LRMDA: variants seen among roughly 807,000 people sequenced by gnomAD.
LRMDA encodes leucine-rich melanocyte differentiation-associated protein.
In LRMDA, 18 loss-of-function variants were observed where a neutral mutation model predicts 29.8. That is an observed-to-expected ratio of 0.60 (90% CI 0.42 to 0.90). The LOEUF (loss-of-function observed/expected upper bound fraction) is 0.90. Among genes scored for constraint, LRMDA ranks in the 40% least tolerant of loss-of-function variants. LRMDA has a pLI of 0.00. For missense variants in LRMDA, 273 were observed against 273.9 expected (o/e 1.00, Z 0.02); for synonymous variants, 125 against 109.4 (o/e 1.14, Z -0.89).
intron 2 of LRMDA, among the ~76,000 whole-genome samples, chr10:75,875,536 C>T (rs948655712): frequency 3.3e-5 from 5 of 152,140 alleles, no homozygotes; most frequent in African/African-American, 7.2e-5. Context: ...CGGGTTCAAG[C>T]GATTCTCCTG....
chr10:75,806,182 G>A (rs1843848787), intron 2 of LRMDA, among the ~76,000 whole-genome samples: 1 of 152,112 alleles, frequency 6.6e-6, no homozygotes, highest in South Asian at 2.1e-4. Context: ...AAGCTGTGAG[G>A]GATCCACGCC....
intron 2 of LRMDA, among the ~76,000 whole-genome samples, chr10:75,929,172 C>T (rs1846168718): frequency 2.6e-5 from 4 of 152,072 alleles, no homozygotes. Context: ...AGATACAGCA[C>T]AAGGTAGGGT....
chr10:75,536,637 C>T lies in LRMDA; in HGVS notation c.131+98143C>T, dbSNP rs191914957. ...GGAGTGCAGTGGTGTGATCATAGCT[C>T]GCTGTATACTTGAACTTCTGGGTTC... On this transcript the variant is annotated intron_variant, in intron 2 of 6. Transcript: ENST00000611255. Among the ~76,000 whole-genome samples, 608 of 152,238 alleles carry T rather than the reference C, an allele frequency of 4.0e-3. 1 individual carries two copies. Among genetic ancestry groups the T allele is most frequent in the Middle Eastern group, 0.01 (3 of 294 alleles).
rs578033968 is a variant in LRMDA at position 75,969,525 on chromosome 10, C to A, written c.132-66483C>A. 8.1e-4 allele frequency among the ~76,000 whole-genome samples: 124 copies of A among 152,238 alleles called. 2 individuals are homozygous for A. Among genetic ancestry groups the A allele is most frequent in the Admixed American group, 4.6e-4 (7 of 15,284 alleles). On this transcript the variant is annotated intron_variant, in intron 2 of 6. Transcript: ENST00000611255. The stretch of plus-strand genomic sequence containing the variant: ...CATACTGAGGTTCAGCACAGTGGAG[C>A]TGAGCTGGTAAAGCTTCTGGCTTAC...
chr10:76,455,300 G>A (rs1393669635), intron 6 of LRMDA, among the ~76,000 whole-genome samples: 1 of 152,168 alleles, frequency 6.6e-6, no homozygotes, highest in African/African-American at 2.4e-5. Context: ...AAGATATATT[G>A]ATGGTATTGA....
intron 2 of LRMDA, among the ~76,000 whole-genome samples, chr10:75,492,986 G>T (rs756356086): frequency 6.6e-6 from 1 of 152,184 alleles, no homozygotes; most frequent in Non-Finnish European, 1.5e-5. Flanking sequence ...GCTTTCCGCT[G>T]CTGTAAAAGG....
chr10:76,339,398 A>T (rs1298231373), intron 6 of LRMDA, among the ~76,000 whole-genome samples: 1 of 152,036 alleles, frequency 6.6e-6, no homozygotes, highest in African/African-American at 2.4e-5. Context: ...GGAAGTGATA[A>T]CACTGTAGTA....
intron 2 of LRMDA, among the ~76,000 whole-genome samples, chr10:75,894,630 G>A (rs1233362295): frequency 6.6e-6 from 1 of 152,124 alleles, no homozygotes; most frequent in Non-Finnish European, 1.5e-5. Flanking sequence ...AAGGATAGTT[G>A]GTGTGTGGGT....
intron 5 of LRMDA, among the ~76,000 whole-genome samples, chr10:76,254,363 G>C (rs28656025): frequency 0.18 from 17,316 of 96,220 alleles, 1,384 homozygotes; most frequent in African/African-American, 0.3. Flanking sequence ...CCTATCCTAT[G>C]CTATGCTATG....
At chr10:75,933,802 G>A (rs1846242899) in intron 2 of LRMDA, among the ~76,000 whole-genome samples, 1 of 152,170 alleles carries the variant, frequency 6.6e-6, no homozygotes, top group South Asian at 2.1e-4. Context: ...GGTGCCTGTA[G>A]CTGTCTCCTG....
intron 5 of LRMDA, 26 bp from the exon 6 acceptor site, chr10:76,324,375 A>C: frequency 6.2e-7 from 1 of 1,608,924 alleles, no homozygotes; most frequent in South Asian, 1.1e-5. Flanking sequence ...GTGTTGCTTC[A>C]TGTTGACTTT....
chr10:75,834,954 C>T (rs994510051), intron 2 of LRMDA, among the ~76,000 whole-genome samples: 5 of 152,218 alleles, frequency 3.3e-5, no homozygotes, highest in Admixed American at 6.5e-5. Flanking sequence ...TATCATGCTC[C>T]TCAAAATTCT....
chr10:75,779,951 C>T (rs928657848), intron 2 of LRMDA, among the ~76,000 whole-genome samples: 2 of 152,072 alleles, frequency 1.3e-5, no homozygotes, highest in Non-Finnish European at 2.9e-5. Context: ...AGAGTGGACC[C>T]TAGATCCAAA....
chr10:75,613,476 TCCTC>T (rs1240620183), intron 2 of LRMDA, among the ~76,000 whole-genome samples: 5 of 152,162 alleles, frequency 3.3e-5, no homozygotes, highest in Non-Finnish European at 5.9e-5. Flanking sequence ...TAAATCTCTG[TCCTC>T]CTTATCTGCA....
At chr10:76,135,965 G>A (rs573655630) in intron 5 of LRMDA, among the ~76,000 whole-genome samples, 4 of 152,136 alleles carry the variant, frequency 2.6e-5, no homozygotes, top group Non-Finnish European at 4.4e-5. Context: ...ACTTTAATTC[G>A]AGAGATTCTA....
chr10:75,499,744 T>C (rs757680041), intron 2 of LRMDA, among the ~76,000 whole-genome samples: 2 of 152,002 alleles, frequency 1.3e-5, no homozygotes, highest in Non-Finnish European at 2.9e-5. Flanking sequence ...CACAATAGCA[T>C]TGGGGTGGTC....
intron 2 of LRMDA, among the ~76,000 whole-genome samples, chr10:75,784,790 G>A (rs942125993): frequency 1.3e-5 from 2 of 152,074 alleles, no homozygotes; most frequent in African/African-American, 2.4e-5. Flanking sequence ...TTTAGATATA[G>A]AAATGCATGA....
At chr10:76,480,999 A>G (rs1186573905) in intron 6 of LRMDA, among the ~76,000 whole-genome samples, 1 of 151,866 alleles carries the variant, frequency 6.6e-6, no homozygotes, top group Non-Finnish European at 1.5e-5. Context: ...GGGATATTCT[A>G]ATTTATATTT....
chr10:75,808,909 G>C (rs1843907282), intron 2 of LRMDA, among the ~76,000 whole-genome samples: 1 of 152,172 alleles, frequency 6.6e-6, no homozygotes, highest in African/African-American at 2.4e-5. Context: ...GTGGACTCAA[G>C]GCCATCCACA....
Sources: allele counts gnomAD v4.1 joint callset (sites outside exome capture counted in the v4.1 genomes callset), GRCh38; gene constraint gnomAD v4.1.1; transcripts MANE v1.5; gene names NCBI Gene and HGNC (gene_info 2026-07-23, HGNC 2026-07-21).